Variants in WWOX observed in about 807,000 individuals in gnomAD.
The protein encoded by WWOX is WW domain-containing oxidoreductase.
WWOX carries 69 observed loss-of-function variants against 46.2 expected under a neutral mutation model. The observed-to-expected ratio is 1.49, with a 90% CI of 1.23 to 1.82. The LOEUF (loss-of-function observed/expected upper bound fraction) is 1.82. WWOX is among the 40% of genes most tolerant of loss of function. The pLI is 0.00. For synonymous variants in WWOX, 359 were observed against 202.6 expected, an observed-to-expected ratio of 1.77 and a Z score of -6.56; for missense variants, 919 against 542.6, an observed-to-expected ratio of 1.69 and a Z score of -6.89.
chr16:79,185,705 G>T (rs796795900), intron 8 of WWOX, among the ~76,000 whole-genome samples: 1 of 152,136 alleles, frequency 6.6e-6, no homozygotes, highest in Admixed American at 6.5e-5. Flanking sequence ...ATTTCCTTCT[G>T]TGTTGTCTTG....
chr16:78,405,562 T>C (rs898465182), intron 6 of WWOX, among the ~76,000 whole-genome samples: 2 of 152,338 alleles, frequency 1.3e-5, no homozygotes, highest in Admixed American at 6.5e-5. Context: ...ACCAGACATA[T>C]TGAGTAAGGG....
intron 8 of WWOX, among the ~76,000 whole-genome samples, chr16:78,851,856 A>G (rs2052451919): frequency 6.6e-6 from 1 of 152,188 alleles, no homozygotes; most frequent in African/African-American, 2.4e-5. Flanking sequence ...ATTTTAAAAG[A>G]CTGGAGTTTT....
intron 4 of WWOX, among the ~76,000 whole-genome samples, chr16:78,149,479 C>T (rs2034322867): frequency 6.6e-6 from 1 of 152,120 alleles, no homozygotes; most frequent in South Asian, 2.1e-4. Flanking sequence ...GAACATTTGC[C>T]AATGCATCAC....
intron 8 of WWOX, among the ~76,000 whole-genome samples, chr16:79,209,508 C>A (rs985165755): frequency 1.3e-5 from 2 of 152,156 alleles, no homozygotes; most frequent in African/African-American, 4.8e-5. Flanking sequence ...ACCATTGTGG[C>A]ATAGAGGGCG....
chr16:78,774,153 A>T (rs1254143480), intron 8 of WWOX, among the ~76,000 whole-genome samples: 3 of 152,156 alleles, frequency 2.0e-5, no homozygotes, highest in Non-Finnish European at 4.4e-5. Context: ...CTGCAATCCC[A>T]GTACTTTGGG....
chr16:78,584,564 T>C (rs565722954), intron 8 of WWOX, among the ~76,000 whole-genome samples: 1 of 152,328 alleles, frequency 6.6e-6, no homozygotes, highest in Non-Finnish European at 1.5e-5. Context: ...TATTTTAATA[T>C]ATACCTTTTA....
chr16:78,412,838 T>G (rs956592190), intron 6 of WWOX, among the ~76,000 whole-genome samples: 1 of 152,128 alleles, frequency 6.6e-6, no homozygotes, highest in Admixed American at 6.5e-5. Flanking sequence ...AGATGAATAT[T>G]TCAAAACTAT....
chr16:78,787,243 G>A (rs1212438967), intron 8 of WWOX, among the ~76,000 whole-genome samples: 1 of 152,018 alleles, frequency 6.6e-6, no homozygotes, highest in African/African-American at 2.4e-5. Context: ...TCACAATATC[G>A]TGCCACAATC....
At chr16:78,509,545 TTG>T (rs1044442264) in intron 8 of WWOX, among the ~76,000 whole-genome samples, 10 of 152,160 alleles carry the variant, frequency 6.6e-5, no homozygotes, top group African/African-American at 2.4e-4. Context: ...TCTACGTCTG[TTG>T]TGTCTATACG....
intron 7 of WWOX, among the ~76,000 whole-genome samples, chr16:78,431,407 C>T (rs987429996): frequency 3.9e-5 from 6 of 152,136 alleles, no homozygotes; most frequent in African/African-American, 1.4e-4. Flanking sequence ...CAACAAGACT[C>T]ATCTATAATT....
In WWOX at chr16:78,851,578, G is replaced by A. The variant is rs186666423; in HGVS notation, c.1057-360030G>A. ...TTATTTTCCATCTTTCCCACTAGAC[G>A]GTGAGGGACTTTATCTGTCTCATTC... On this transcript the variant is annotated intron_variant, in intron 8 of 8. Transcript: ENST00000566780. Among the ~76,000 whole-genome samples the A allele has an allele frequency of 2.4e-3, 359 of 152,294 alleles. 2 individuals are homozygous for A. Among genetic ancestry groups the A allele is most frequent in the African/African-American group, 8.2e-3 (342 of 41,572 alleles).
In WWOX at chr16:78,109,966, G is replaced by A. The variant is rs80091781; in HGVS notation, c.230+131G>A. On this transcript the variant is annotated intron_variant, in intron 3 of 8. Coordinates refer to ENST00000566780, the MANE Select transcript of WWOX (RefSeq NM_016373.4). ...GTGTGTATCTGTAATCTTAGCAGAA[G>A]TGACTACTTTTAACATCGCTGGAAC... 1.4e-3 allele frequency: 1,383 copies of A among 981,426 alleles called. 15 individuals are homozygous for A. The African/African-American group carries it at 0.02, about 14-fold the overall frequency. The allele number at this position is 981,426 out of a possible 1,614,324, so 60.8% of individuals were successfully genotyped here.
At chr16:78,726,104 C>CCTCCCTCTTCCTCCCTCCCTCCCTCA (rs2048827848) in intron 8 of WWOX, among the ~76,000 whole-genome samples, 1 of 131,078 alleles carries the variant, frequency 7.6e-6, no homozygotes, top group Non-Finnish European at 1.7e-5. Context: ...TCCCTCCCTC[C>CCTCCCTCTTCCTCCCTCCCTCCCTCA]CTCCCTCTCT....
At chr16:79,094,244 T>A (rs1322400825) in intron 8 of WWOX, among the ~76,000 whole-genome samples, 1 of 123,554 alleles carries the variant, frequency 8.1e-6, no homozygotes, top group Admixed American at 7.8e-5. Flanking sequence ...GAGGTTTTTC[T>A]TTTTTTTTTT....
intron 8 of WWOX, among the ~76,000 whole-genome samples, chr16:78,547,500 A>G (rs377675558): frequency 5.6e-4 from 86 of 152,282 alleles, no homozygotes; most frequent in African/African-American, 1.8e-3. Context: ...ATTAGTTACA[A>G]GTGATTCTAC....
At chr16:78,222,010 G>A (rs2036904671) in intron 5 of WWOX, among the ~76,000 whole-genome samples, 1 of 152,104 alleles carries the variant, frequency 6.6e-6, no homozygotes. Flanking sequence ...TAAAACTTCT[G>A]CCGAGAAAAG....
chr16:78,880,925 C>T (rs1380656336), intron 8 of WWOX, among the ~76,000 whole-genome samples: 1 of 151,778 alleles, frequency 6.6e-6, no homozygotes, highest in Non-Finnish European at 1.5e-5. Context: ...CTCCTGTTTT[C>T]CAAGCACTTT....
At chr16:78,925,506 C>T (rs569611500) in intron 8 of WWOX, among the ~76,000 whole-genome samples, 1 of 152,296 alleles carries the variant, frequency 6.6e-6, no homozygotes, top group Admixed American at 6.5e-5. Context: ...AGCGTCTTAA[C>T]CAGGAACTCG....
At chr16:78,277,844 A>G (rs2079608080) in intron 5 of WWOX, among the ~76,000 whole-genome samples, 1 of 152,220 alleles carries the variant, frequency 6.6e-6, no homozygotes, top group Non-Finnish European at 1.5e-5. Context: ...CATAACAGGC[A>G]TCAGATTTGA....
Sources: gnomAD v4.1 joint callset for allele counts (sites outside exome capture counted in the v4.1 genomes callset) on GRCh38, gnomAD v4.1.1 for gene constraint, MANE v1.5 for transcripts, NCBI Gene and HGNC (gene_info 2026-07-23, HGNC 2026-07-21) for gene names.